Variants in ELAPOR2 observed in about 807,000 individuals in gnomAD.
ELAPOR2 encodes endosome-lysosome associated apoptosis and autophagy regulator family member 2, also known as endosome/lysosome-associated apoptosis and autophagy regulator family member 2.
ELAPOR2 carries 89 observed loss-of-function variants against 120.7 expected under a neutral mutation model. That is an observed-to-expected ratio of 0.74 (90% confidence interval 0.62 to 0.88). ELAPOR2 has a LOEUF of 0.88. Among genes scored for constraint, ELAPOR2 ranks in the 40% least tolerant of loss-of-function variants. The pLI is 0.00. For synonymous variants in ELAPOR2, 444 were observed against 444.9 expected, an observed-to-expected ratio of 1.00 and a Z score of 0.03; for missense variants, 1,134 against 1,251.6, an observed-to-expected ratio of 0.91 and a Z score of 1.42.
At chr7:86,936,825 T>C (rs147499892) in intron 8 of ELAPOR2, among the ~76,000 whole-genome samples, 2 of 152,204 alleles carry the variant, frequency 1.3e-5, no homozygotes, top group Non-Finnish European at 2.9e-5. Flanking sequence ...TGTAATTAAC[T>C]AATAAAAATA....
At chr7:86,977,666 T>C (rs1364617986) in intron 1 of ELAPOR2, among the ~76,000 whole-genome samples, 1 of 152,234 alleles carries the variant, frequency 6.6e-6, no homozygotes, top group African/African-American at 2.4e-5. Flanking sequence ...TTGTCTGTTT[T>C]CCTACATCAG....
chr7:87,020,729 T>G (rs1794011553), intron 1 of ELAPOR2, among the ~76,000 whole-genome samples: 1 of 152,126 alleles, frequency 6.6e-6, no homozygotes, highest in African/African-American at 2.4e-5. Context: ...GTTTTCACTT[T>G]TAAATGATTA....
chr7:87,040,018 C>T (rs1794718648), intron 1 of ELAPOR2, among the ~76,000 whole-genome samples: 2 of 152,162 alleles, frequency 1.3e-5, no homozygotes, highest in African/African-American at 2.4e-5. Flanking sequence ...CGGACGGCAC[C>T]TGGAAAATCG....
At chr7:86,896,490 G>A (rs1306092903) in intron 19 of ELAPOR2, among the ~76,000 whole-genome samples, 3 of 152,024 alleles carry the variant, frequency 2.0e-5, no homozygotes, top group African/African-American at 7.2e-5. Flanking sequence ...TCAAGCTCCT[G>A]CCCTTCATCC....
intron 1 of ELAPOR2, among the ~76,000 whole-genome samples, chr7:87,031,109 G>T (rs10236068): frequency 4.6e-5 from 7 of 152,084 alleles, no homozygotes; most frequent in Non-Finnish European, 4.4e-5. Context: ...ACAACATGTG[G>T]GAATTATGGG....
chr7:86,959,764 A>T (rs985831717), intron 2 of ELAPOR2, among the ~76,000 whole-genome samples: 1 of 152,136 alleles, frequency 6.6e-6, no homozygotes, highest in Non-Finnish European at 1.5e-5. Context: ...TCCTTAGGCC[A>T]GTTTTTAGCT....
At position 87,059,494 on chromosome 7, in the gene ELAPOR2, C is replaced by G. The variant is rs1391165424; in HGVS notation, c.20G>C (p.Gly7Ala). The G allele has an allele frequency of 1.1e-5, 13 of 1,205,122 alleles. No individual in the cohort carries two copies. The highest frequency in any genetic ancestry group is 1.3e-5 in the Non-Finnish European group (13 of 970,000). 74.7% of individuals were successfully genotyped at this position (1,205,122 alleles called of 1,614,324 possible). MLFRAR[G>A]PVRGRGWGRP... ...CCCCCAGCCCCTGCCCCGTACCGGCCCCCGGGCGCGGAACAGCATCTTCGT... is the reference window on the plus strand; with the variant it reads ...CCCCCAGCCCCTGCCCCGTACCGGCGCCCGGGCGCGGAACAGCATCTTCGT... Residue 7 changes from glycine to alanine, a missense_variant, in exon 1 of 22, where the codon GGG becomes GCG. Physicochemically the swap from Gly to Ala is moderately conservative, Grantham distance 60. This residue lies in a region of ELAPOR2 where 280 missense variants were observed against 331.5 expected (regional missense o/e 0.84). Transcript: ENST00000450689.
chr7:86,987,368 C>T (rs1792784145), intron 1 of ELAPOR2, among the ~76,000 whole-genome samples: 1 of 152,120 alleles, frequency 6.6e-6, no homozygotes, highest in Non-Finnish European at 1.5e-5. Context: ...AACTAAAGAG[C>T]TTCTGCACAG....
chr7:87,011,133 T>C (rs1198206419), intron 1 of ELAPOR2, among the ~76,000 whole-genome samples: 1 of 150,794 alleles, frequency 6.6e-6, no homozygotes, highest in Non-Finnish European at 1.5e-5. Flanking sequence ...CTGGGCATGG[T>C]GGCACGTGCC....
At chr7:86,907,177 A>G (rs181194004) in intron 18 of ELAPOR2, among the ~76,000 whole-genome samples, 7 of 152,220 alleles carry the variant, frequency 4.6e-5, no homozygotes, top group African/African-American at 1.7e-4. Flanking sequence ...TTCTGCCACC[A>G]TTAATCAATA....
chr7:86,886,395 C>T (rs1479565042), intron 21 of ELAPOR2, among the ~76,000 whole-genome samples: 1 of 152,086 alleles, frequency 6.6e-6, no homozygotes, highest in Non-Finnish European at 1.5e-5. Context: ...ACACTCTTTA[C>T]CTTTATGGCC....
At chr7:87,048,059 C>T (rs770881296) in intron 1 of ELAPOR2, among the ~76,000 whole-genome samples, 4 of 152,044 alleles carry the variant, frequency 2.6e-5, no homozygotes, top group South Asian at 2.1e-4. Flanking sequence ...TCCTGGCCAA[C>T]GGGGTGAAAC....
intron 19 of ELAPOR2, among the ~76,000 whole-genome samples, chr7:86,893,367 C>T (rs1356660934): frequency 6.6e-6 from 1 of 151,416 alleles, no homozygotes. Flanking sequence ...GATGGATTGC[C>T]ACCTGAGAAG....
intron 11 of ELAPOR2, 92 bp downstream of exon 11, chr7:86,919,128 A>G (rs1281933796): frequency 2.5e-6 from 2 of 800,378 alleles, no homozygotes; most frequent in Non-Finnish European, 4.1e-6. Context: ...TGTAATATTA[A>G]TATGTTCCAT....
At chr7:86,911,783 C>A (rs1297798135) in intron 15 of ELAPOR2, 1 of 531,314 alleles carries the variant, frequency 1.9e-6, no homozygotes, top group Non-Finnish European at 3.6e-6. Context: ...CAACCCTGAC[C>A]CATTTTTATG....
chr7:86,897,386 C>A, intron 19 of ELAPOR2, 120 bp downstream of exon 19: 1 of 1,216,656 alleles, frequency 8.2e-7, no homozygotes, highest in Non-Finnish European at 1.1e-6. Flanking sequence ...AAATGCCTAC[C>A]AATGTAACAT....
At chr7:87,054,608 G>T (rs1795207848) in intron 1 of ELAPOR2, among the ~76,000 whole-genome samples, 1 of 152,172 alleles carries the variant, frequency 6.6e-6, no homozygotes, top group East Asian at 1.9e-4. Flanking sequence ...ATGTTTCTCA[G>T]CTGTGCCCAT....
intron 8 of ELAPOR2, among the ~76,000 whole-genome samples, chr7:86,937,711 A>T (rs1026361528): frequency 6.6e-6 from 1 of 152,112 alleles, no homozygotes; most frequent in Non-Finnish European, 1.5e-5. Flanking sequence ...TGTGAGTCAC[A>T]CTACACATTT....
chr7:87,030,011 T>G (rs893547634), intron 1 of ELAPOR2, among the ~76,000 whole-genome samples: 1 of 152,038 alleles, frequency 6.6e-6, no homozygotes, highest in Non-Finnish European at 1.5e-5. Context: ...GGAAAATAAG[T>G]GGGATAAAAG....
Sources: allele counts gnomAD v4.1 joint callset (sites outside exome capture counted in the v4.1 genomes callset), GRCh38; gene constraint gnomAD v4.1.1; regional missense constraint gnomAD v4.1.1; transcripts MANE v1.5; gene names NCBI Gene and HGNC (gene_info 2026-07-23, HGNC 2026-07-21).